Variants in NBR1 observed in about 807,000 individuals in gnomAD.
NBR1 encodes NBR1 autophagy cargo receptor.
In NBR1, 59 loss-of-function variants were observed where a neutral mutation model predicts 115.5. That is an observed-to-expected ratio of 0.51 (90% confidence interval 0.41 to 0.63). The LOEUF is 0.63. Ranked by LOEUF, NBR1 falls within the 30% of genes least tolerant of loss-of-function variation. The probability of loss-of-function intolerance (pLI) is 0.00; values close to 1 mark genes in which losing one functional copy is unlikely to be tolerated. For missense variants in NBR1, 1,043 were observed against 1,150.5 expected (o/e 0.91, Z 1.35); for synonymous variants, 373 against 414.7 (o/e 0.90, Z 1.22).
intron 20 of NBR1, among the ~76,000 whole-genome samples, chr17:43,209,148 C>T (rs1021297086): frequency 2.0e-4 from 30 of 151,540 alleles, no homozygotes; most frequent in African/African-American, 7.0e-4. Flanking sequence ...GCGATCTCGG[C>T]TCACTGCAAG....
intron 14 of NBR1, chr17:43,195,387 C>T: frequency 3.5e-6 from 1 of 281,922 alleles, no homozygotes; most frequent in South Asian, 3.2e-5. Context: ...CACGGTGGCT[C>T]ACGCCTGTAA....
chr17:43,207,273 T>C (rs1048768641), intron 20 of NBR1, among the ~76,000 whole-genome samples: 1 of 152,230 alleles, frequency 6.6e-6, no homozygotes, highest in Non-Finnish European at 1.5e-5. Flanking sequence ...CCCTGTGGGA[T>C]ACTGAAATCC....
At position 43,209,752 on chromosome 17, in the gene NBR1, G is replaced by A. The variant is rs2057382654; in HGVS notation, c.2728-149G>A. On this transcript the variant is annotated intron_variant, in intron 20 of 20. Transcript: ENST00000590996. The stretch of plus-strand genomic sequence containing the variant: ...CGAACCGTTGGTATCAAGTACACAG[G>A]AGTGCCATAGCCTTGAATCTAATTA... 5 of 1,502,060 alleles carry A rather than the reference G, an allele frequency of 3.3e-6. No homozygotes were observed. The South Asian group carries it at 5.1e-5, about 15-fold the overall frequency. 93.0% of individuals were successfully genotyped at this position (1,502,060 alleles called of 1,614,324 possible).
intron 16 of NBR1, among the ~76,000 whole-genome samples, chr17:43,197,518 CA>C (rs34415980): frequency 1.0e-3 from 145 of 140,102 alleles, no homozygotes; most frequent in Admixed American, 1.1e-3. Context: ...GACTCCATCT[CA>C]AAAAAAAAAA....
At chr17:43,199,520 G>T in intron 16 of NBR1, among the ~76,000 whole-genome samples, 1 of 152,038 alleles carries the variant, frequency 6.6e-6, no homozygotes, top group East Asian at 1.9e-4. Flanking sequence ...CACTACAGGC[G>T]CCCGCCACCA....
intron 5 of NBR1, 33 bp downstream of exon 5, chr17:43,180,850 T>A: frequency 7.3e-7 from 1 of 1,373,178 alleles, no homozygotes; most frequent in Non-Finnish European, 9.5e-7. Context: ...TTTAAATAAT[T>A]TAAAAAATAT....
At chr17:43,186,465 T>G in intron 6 of NBR1, 21 bp downstream of exon 6, 1 of 1,481,216 alleles carries the variant, frequency 6.8e-7, no homozygotes, top group Non-Finnish European at 8.9e-7. Flanking sequence ...TATGGCCCAG[T>G]CTATCCAATA....
Position 43,191,910 on chromosome 17 carries a change from T to C in NBR1, c.1073+329T>C, listed in dbSNP as rs2056955903. 1.3e-5 allele frequency among the ~76,000 whole-genome samples: 2 copies of C among 151,416 alleles called. 1 individual carries two copies. Among genetic ancestry groups the C allele is most frequent in the South Asian group, 4.2e-4 (2 of 4,816 alleles). On this transcript the variant is annotated intron_variant, in intron 10 of 20. Transcript: ENST00000590996. The stretch of plus-strand genomic sequence containing the variant: ...TAATTTTTTGTATTTTTAGTAGAGA[T>C]GGGGTTTCACCGTGTTAGCCAGGAT...
chr17:43,203,820 A>G, intron 20 of NBR1, 34 bp downstream of exon 20: 1 of 1,311,654 alleles, frequency 7.6e-7, no homozygotes, highest in Non-Finnish European at 1.1e-6. Context: ...CTGAATCTCA[A>G]CTCCATGTCA....
intron 20 of NBR1, among the ~76,000 whole-genome samples, chr17:43,208,179 A>G (rs1219498295): frequency 6.6e-6 from 1 of 152,208 alleles, no homozygotes; most frequent in African/African-American, 2.4e-5. Context: ...CACACTTTCA[A>G]ATAGACAGGC....
chr17:43,188,504 T>C (rs2056871022), intron 6 of NBR1, among the ~76,000 whole-genome samples: 2 of 152,216 alleles, frequency 1.3e-5, no homozygotes, highest in Admixed American at 6.5e-5. Flanking sequence ...TTGCCACTGC[T>C]TTTGGTGTTT....
Position 43,180,834 on chromosome 17 carries a change from C to T in NBR1, c.207+17C>T, listed in dbSNP as rs1236182703. ...GCGCTTAAGGTAATGATTATTTAAT[C>T]TCATTTTTAAATAATTTAAAAAATA... On this transcript the variant is annotated intron_variant, in intron 5 of 20. Transcript: ENST00000590996. 35 of 1,414,526 alleles carry T rather than the reference C, an allele frequency of 2.5e-5. No individual in the cohort carries two copies. The highest frequency in any genetic ancestry group is 3.2e-5 in the Non-Finnish European group (35 of 1,078,414). The allele number at this position is 1,414,526 out of a possible 1,614,324, so 87.6% of individuals were successfully genotyped here. A position where few individuals can be genotyped will look rare whatever the true frequency, so the allele number is the denominator to read the frequency against.
chr17:43,175,745 T>C, intron 1 of NBR1, 46 bp from the exon 2 acceptor site: 1 of 894,194 alleles, frequency 1.1e-6, no homozygotes, highest in Non-Finnish European at 1.8e-6. Context: ...ATAGAACCCT[T>C]TCTAATGTGT....
Position 43,186,279 on chromosome 17 carries a change from G to T in NBR1, c.237G>T (p.Gln79His), listed in dbSNP as rs781018939. 5 of 1,582,690 alleles carry T rather than the reference G, an allele frequency of 3.2e-6. No individual in the cohort carries two copies. In the East Asian group the frequency reaches 9.2e-5, roughly 29 times the overall value. ...CAGTTAAACAGGGAAACCAACTGCAGATGCAAGTCCACGAAGGGCACCATG... is the reference window on the plus strand; with the variant it reads ...CAGTTAAACAGGGAAACCAACTGCATATGCAAGTCCACGAAGGGCACCATG... ...KMAVKQGNQL[Q>H]MQVHEGHHVV... Residue 79 changes from glutamine to histidine, a missense_variant, in exon 6 of 21, where the codon CAG (glutamine) becomes CAT (histidine). By Grantham distance (24) the Gln-to-His change is conservative. Coordinates refer to ENST00000590996, the MANE Select transcript of NBR1 (RefSeq NM_005899.5).
intron 5 of NBR1, among the ~76,000 whole-genome samples, chr17:43,183,482 G>A (rs1364476108): frequency 6.7e-6 from 1 of 149,498 alleles, no homozygotes; most frequent in South Asian, 2.1e-4. Context: ...GCCTCCCAAA[G>A]TGCTGGGATT....
At chr17:43,195,083 C>A in intron 14 of NBR1, 44 bp downstream of exon 14, 2 of 1,459,514 alleles carry the variant, frequency 1.4e-6, no homozygotes, top group Non-Finnish European at 1.9e-6. Context: ...TACTAATAGG[C>A]ACAAAAGTAC....
intron 2 of NBR1, among the ~76,000 whole-genome samples, chr17:43,176,943 A>G (rs1453534283): frequency 1.3e-5 from 2 of 151,974 alleles, no homozygotes; most frequent in Non-Finnish European, 2.9e-5. Context: ...TAAATTTTCC[A>G]TGTTCATGCA....
At position 43,194,310 on chromosome 17, in the gene NBR1, T is replaced by C. The variant is rs144511218; in HGVS notation, c.1525-40T>C. 2.3e-4 allele frequency: 359 copies of C among 1,574,512 alleles called. 5 individuals are homozygous for C. In the South Asian group the frequency reaches 3.9e-3, roughly 17 times the overall value. On this transcript the variant is annotated intron_variant, in intron 12 of 20. Transcript: ENST00000590996. Reference sequence around the variant, plus strand: ...TTGTCAGCCTGCCTCTTCAGTTCTGTTGAAGGCCTAAAATTTGTCTCAATG... The same window carrying C: ...TTGTCAGCCTGCCTCTTCAGTTCTGCTGAAGGCCTAAAATTTGTCTCAATG...
At chr17:43,187,017 C>T (rs1424360172) in intron 6 of NBR1, among the ~76,000 whole-genome samples, 1 of 152,058 alleles carries the variant, frequency 6.6e-6, no homozygotes, top group Admixed American at 6.6e-5. Flanking sequence ...TGATTTATAA[C>T]CCTTTGGGTA....
Sources: allele counts gnomAD v4.1 joint callset (sites outside exome capture counted in the v4.1 genomes callset), GRCh38; gene constraint gnomAD v4.1.1; transcripts MANE v1.5; gene names NCBI Gene and HGNC (gene_info 2026-07-23, HGNC 2026-07-21).